Variants in MAGI2 observed in about 807,000 individuals in gnomAD.
The protein encoded by MAGI2 is membrane associated guanylate kinase, WW and PDZ domain containing 2, also known as membrane-associated guanylate kinase, WW and PDZ domain-containing protein 2.
Under a neutral mutation model 133.3 loss-of-function variants are expected in MAGI2, and 35 were observed. That is an observed-to-expected ratio of 0.26 (90% CI 0.20 to 0.35). The LOEUF (loss-of-function observed/expected upper bound fraction) is 0.35. MAGI2 is among the 10% of genes least tolerant of loss of function. MAGI2 has a pLI of 1.00. For missense variants in MAGI2, 1,636 were observed against 1,863.4 expected, an observed-to-expected ratio of 0.88 and a Z score of 2.25; for synonymous variants, 729 against 710.6, an observed-to-expected ratio of 1.03 and a Z score of -0.41.
At chr7:78,724,457 G>C (rs147095919) in intron 2 of MAGI2, among the ~76,000 whole-genome samples, 26 of 152,290 alleles carry the variant, frequency 1.7e-4, no homozygotes, top group African/African-American at 5.8e-4. Flanking sequence ...CTTTCAAGTC[G>C]AGTGCACAGT....
At chr7:79,226,201 G>A (rs1374560443) in intron 1 of MAGI2, among the ~76,000 whole-genome samples, 1 of 152,106 alleles carries the variant, frequency 6.6e-6, no homozygotes, top group East Asian at 1.9e-4. Flanking sequence ...ATACATTTGT[G>A]TCTAAAAAAG....
chr7:78,119,967 C>G (rs1003162723), intron 20 of MAGI2, among the ~76,000 whole-genome samples: 1 of 152,122 alleles, frequency 6.6e-6, no homozygotes, highest in African/African-American at 2.4e-5. Context: ...AGCTATAAAA[C>G]TTTAAGCACT....
At chr7:78,618,735 G>T (rs552403649) in intron 3 of MAGI2, 14 of 151,870 alleles carry the variant, frequency 9.2e-5, no homozygotes, top group Non-Finnish European at 1.9e-4. Context: ...GATGGACCTA[G>T]AGGACATTAT....
intron 14 of MAGI2, among the ~76,000 whole-genome samples, chr7:78,177,260 C>A (rs571184158): frequency 6.6e-6 from 1 of 152,098 alleles, no homozygotes; most frequent in African/African-American, 2.4e-5. Flanking sequence ...TCAAAACTTT[C>A]GTGGACCTAA....
At chr7:78,038,550 T>C (rs1187832590) in intron 21 of MAGI2, among the ~76,000 whole-genome samples, 4 of 148,416 alleles carry the variant, frequency 2.7e-5, no homozygotes, top group Admixed American at 1.4e-4. Flanking sequence ...GTGGACCACA[T>C]CACCTGAGAA....
At chr7:79,036,855 T>A (rs1476460910) in intron 1 of MAGI2, among the ~76,000 whole-genome samples, 1 of 152,176 alleles carries the variant, frequency 6.6e-6, no homozygotes, top group African/African-American at 2.4e-5. Flanking sequence ...CCTCAAAAAC[T>A]CAGATCTATT....
intron 7 of MAGI2, among the ~76,000 whole-genome samples, chr7:78,352,348 GT>G (rs1433512509): frequency 6.6e-6 from 1 of 152,178 alleles, no homozygotes; most frequent in Admixed American, 6.6e-5. Context: ...AAAGCCTAAT[GT>G]TTTAAATACG....
intron 7 of MAGI2, among the ~76,000 whole-genome samples, chr7:78,357,381 T>C (rs1179426033): frequency 6.6e-6 from 1 of 152,168 alleles, no homozygotes; most frequent in Non-Finnish European, 1.5e-5. Context: ...TGATTAATAG[T>C]TACTAAATAA....
intron 2 of MAGI2, among the ~76,000 whole-genome samples, chr7:78,955,119 C>T (rs1166902840): frequency 6.6e-6 from 1 of 152,026 alleles, no homozygotes; most frequent in East Asian, 1.9e-4. Flanking sequence ...TTATGCAACT[C>T]TTTAGACAGG....
intron 2 of MAGI2, among the ~76,000 whole-genome samples, chr7:78,728,124 T>C (rs745835613): frequency 3.3e-5 from 5 of 152,190 alleles, no homozygotes; most frequent in Non-Finnish European, 7.3e-5. Flanking sequence ...AACTTTTGTG[T>C]GTATGAATAT....
chr7:79,137,123 G>A (rs1309428975), intron 1 of MAGI2, among the ~76,000 whole-genome samples: 1 of 151,998 alleles, frequency 6.6e-6, no homozygotes, highest in Non-Finnish European at 1.5e-5. Context: ...TGGGGTGGCT[G>A]TTTTCTCTGG....
At chr7:78,263,057 C>G (rs798327) in intron 9 of MAGI2, among the ~76,000 whole-genome samples, 55,385 of 152,034 alleles carry the variant, frequency 0.36, 13,704 homozygotes, top group African/African-American at 0.7. Flanking sequence ...TTAGCTCCCA[C>G]TTATAAGTGA....
intron 2 of MAGI2, among the ~76,000 whole-genome samples, chr7:78,970,976 C>A (rs1040689985): frequency 1.2e-4 from 18 of 152,012 alleles, no homozygotes; most frequent in Admixed American, 2.6e-4. Context: ...GTTTTGGGGT[C>A]TCGTACTTTC....
chr7:79,348,505 T>C (rs750684240), intron 1 of MAGI2, among the ~76,000 whole-genome samples: 21 of 151,972 alleles, frequency 1.4e-4, no homozygotes, highest in Non-Finnish European at 3.1e-4. Flanking sequence ...TATAATGACC[T>C]TGATGGTCAA....
chr7:78,287,070 G>A (rs1301026741), intron 9 of MAGI2, among the ~76,000 whole-genome samples: 1 of 152,084 alleles, frequency 6.6e-6, no homozygotes, highest in East Asian at 1.9e-4. Flanking sequence ...ATCTTCAGAG[G>A]GAATTACTCC....
At chr7:78,111,091 G>T (rs566082018) in intron 20 of MAGI2, among the ~76,000 whole-genome samples, 1 of 152,258 alleles carries the variant, frequency 6.6e-6, no homozygotes, top group Middle Eastern at 3.4e-3. Context: ...GAATGACAAA[G>T]AATCTCAAGC....
chr7:79,416,207 T>G (rs1037486014), intron 1 of MAGI2, among the ~76,000 whole-genome samples: 1 of 152,160 alleles, frequency 6.6e-6, no homozygotes, highest in Non-Finnish European at 1.5e-5. Flanking sequence ...CAAAGCCCAC[T>G]GTCTACTGCA....
chr7:78,020,048 CA>C, intron 21 of MAGI2, 72 bp from the exon 22 acceptor site: 4 of 1,342,666 alleles, frequency 3.0e-6, no homozygotes, highest in Non-Finnish European at 4.0e-6. Flanking sequence ...ACGCCGGGGA[CA>C]GGGGCAGGCA....
intron 1 of MAGI2, among the ~76,000 whole-genome samples, chr7:79,170,207 G>A (rs987957254): frequency 7.4e-6 from 1 of 134,330 alleles, no homozygotes; most frequent in African/African-American, 2.9e-5. Context: ...GGAGTGTAGT[G>A]GCATGATCAT....
Sources: gnomAD v4.1 joint callset for allele counts (sites outside exome capture counted in the v4.1 genomes callset) on GRCh38, gnomAD v4.1.1 for gene constraint, MANE v1.5 for transcripts, NCBI Gene and HGNC (gene_info 2026-07-23, HGNC 2026-07-21) for gene names.